Variants in NAALADL2 observed in about 807,000 individuals in gnomAD.
The protein encoded by NAALADL2 is N-acetylated alpha-linked acidic dipeptidase like 2, also known as inactive N-acetylated-alpha-linked acidic dipeptidase-like protein 2.
NAALADL2 carries 76 observed loss-of-function variants against 87.2 expected under a neutral mutation model. That is an observed-to-expected ratio of 0.87 (90% CI 0.72 to 1.05). The LOEUF is 1.05. NAALADL2 is among the 50% of genes least tolerant of loss of function. The pLI, the probability that NAALADL2 is intolerant of heterozygous loss-of-function variation, is 0.00. For missense variants in NAALADL2, 1,089 were observed against 945.8 expected (o/e 1.15, Z -1.99); for synonymous variants, 354 against 331.0 (o/e 1.07, Z -0.75).
intron 11 of NAALADL2, among the ~76,000 whole-genome samples, chr3:175,707,296 T>C (rs1254975437): frequency 6.6e-6 from 1 of 152,164 alleles, no homozygotes; most frequent in Non-Finnish European, 1.5e-5. Context: ...TAAGACTTTA[T>C]TCATGAACAG....
intron 2 of NAALADL2, among the ~76,000 whole-genome samples, chr3:174,590,793 G>C (rs1277382429): frequency 1.3e-5 from 2 of 152,000 alleles, no homozygotes; most frequent in African/African-American, 4.8e-5. Context: ...TTGTTGGTAT[G>C]AGGATTAATT....
intron 1 of NAALADL2, among the ~76,000 whole-genome samples, chr3:175,031,298 C>A (rs1389002843): frequency 1.3e-5 from 2 of 151,928 alleles, no homozygotes; most frequent in Non-Finnish European, 1.5e-5. Flanking sequence ...CTCTAGGAGT[C>A]CCCAGTGTCT....
chr3:174,538,754 T>C (rs1002381245), intron 1 of NAALADL2, among the ~76,000 whole-genome samples: 14 of 152,312 alleles, frequency 9.2e-5, no homozygotes, highest in African/African-American at 3.4e-4. Context: ...TCCCTTCTAT[T>C]GATTCCAGGT....
chr3:174,806,598 G>A (rs532460220), intron 3 of NAALADL2, among the ~76,000 whole-genome samples: 2 of 152,108 alleles, frequency 1.3e-5, no homozygotes, highest in Admixed American at 6.6e-5. Flanking sequence ...AGTTACCTTT[G>A]TTTTACAGAC....
chr3:175,073,448 A>G (rs976417700), intron 1 of NAALADL2, among the ~76,000 whole-genome samples: 3 of 152,062 alleles, frequency 2.0e-5, no homozygotes, highest in Non-Finnish European at 4.4e-5. Flanking sequence ...AGTCATGTAG[A>G]CAGTGTAATT....
chr3:174,924,271 C>T (rs1296322852), intron 1 of NAALADL2, among the ~76,000 whole-genome samples: 1 of 133,058 alleles, frequency 7.5e-6, no homozygotes, highest in Non-Finnish European at 1.5e-5. Flanking sequence ...TCCAACTGTT[C>T]TCATTGTTCA....
chr3:175,361,491 A>G (rs1765004319), intron 5 of NAALADL2, among the ~76,000 whole-genome samples: 1 of 148,088 alleles, frequency 6.8e-6, no homozygotes, highest in Admixed American at 6.9e-5. Context: ...CAACAGTGTA[A>G]AAGTGTTCCT....
intron 3 of NAALADL2, among the ~76,000 whole-genome samples, chr3:174,840,337 C>T (rs767013515): frequency 1.3e-5 from 2 of 151,966 alleles, no homozygotes; most frequent in Non-Finnish European, 2.9e-5. Context: ...ATGAATCCGG[C>T]ATATCTAACA....
chr3:175,532,850 T>C (rs1202342611), intron 9 of NAALADL2, among the ~76,000 whole-genome samples: 1 of 152,202 alleles, frequency 6.6e-6, no homozygotes, highest in Non-Finnish European at 1.5e-5. Flanking sequence ...TCTTCAAAGA[T>C]GCAGGTGGTG....
chr3:175,588,864 A>G (rs959445848), intron 10 of NAALADL2, among the ~76,000 whole-genome samples: 3 of 152,202 alleles, frequency 2.0e-5, no homozygotes, highest in Non-Finnish European at 4.4e-5. Flanking sequence ...AAAGAAATAC[A>G]TAATCAAACT....
intron 4 of NAALADL2, among the ~76,000 whole-genome samples, chr3:175,318,243 G>A (rs776108488): frequency 6.6e-6 from 1 of 152,048 alleles, no homozygotes; most frequent in Admixed American, 6.6e-5. Context: ...TGAAAATGCA[G>A]AGTAGCATTT....
At chr3:174,789,706 C>A (rs1717234483) in intron 3 of NAALADL2, among the ~76,000 whole-genome samples, 1 of 152,084 alleles carries the variant, frequency 6.6e-6, no homozygotes, top group South Asian at 2.1e-4. Flanking sequence ...AACTGTATAC[C>A]ATCAGCAGCT....
At chr3:175,706,935 T>C (rs1416645091) in intron 11 of NAALADL2, among the ~76,000 whole-genome samples, 4 of 152,144 alleles carry the variant, frequency 2.6e-5, no homozygotes, top group African/African-American at 9.7e-5. Context: ...GTGGTGTGTC[T>C]TGCTGAAGAC....
At chr3:174,558,340 G>C (rs1488676001) in intron 2 of NAALADL2, among the ~76,000 whole-genome samples, 1 of 151,822 alleles carries the variant, frequency 6.6e-6, no homozygotes, top group Non-Finnish European at 1.5e-5. Context: ...TTTTTCCACA[G>C]ACTGGGTACG....
intron 1 of NAALADL2, among the ~76,000 whole-genome samples, chr3:174,936,141 TTCA>T (rs1277372742): frequency 6.6e-6 from 1 of 152,088 alleles, no homozygotes; most frequent in Non-Finnish European, 1.5e-5. Flanking sequence ...AGGGTGAGTG[TTCA>T]CTGTTCACAA....
chr3:175,133,594 C>T (rs967646554), intron 2 of NAALADL2, among the ~76,000 whole-genome samples: 183 of 152,276 alleles, frequency 1.2e-3, no homozygotes, highest in African/African-American at 1.5e-3. Context: ...TGGCGGCGCG[C>T]GCCTGCAATC....
intron 1 of NAALADL2, among the ~76,000 whole-genome samples, chr3:174,491,181 A>T (rs560704081): frequency 6.6e-6 from 1 of 152,188 alleles, no homozygotes; most frequent in Middle Eastern, 3.4e-3. Flanking sequence ...GATCACCATG[A>T]CCTGTATTAA....
At chr3:174,714,971 C>T (rs1328804532) in intron 2 of NAALADL2, among the ~76,000 whole-genome samples, 1 of 152,076 alleles carries the variant, frequency 6.6e-6, no homozygotes, top group African/African-American at 2.4e-5. Flanking sequence ...AGATATGTCC[C>T]ATCAATACCT....
At chr3:174,679,556 G>T (rs1035863862) in intron 2 of NAALADL2, among the ~76,000 whole-genome samples, 1 of 152,086 alleles carries the variant, frequency 6.6e-6, no homozygotes, top group Non-Finnish European at 1.5e-5. Context: ...ACTGTCGTGG[G>T]ATCTTTGGGG....
Sources: gnomAD v4.1 joint callset for allele counts (sites outside exome capture counted in the v4.1 genomes callset) on GRCh38, gnomAD v4.1.1 for gene constraint, MANE v1.5 for transcripts, NCBI Gene and HGNC (gene_info 2026-07-23, HGNC 2026-07-21) for gene names.